Variants in GRM5 observed in about 807,000 individuals in gnomAD.
The protein encoded by GRM5 is glutamate metabotropic receptor 5, also known as metabotropic glutamate receptor 5.
Under a neutral mutation model 83.1 loss-of-function variants are expected in GRM5, and 19 were observed. The observed-to-expected ratio is 0.23, with a 90% CI of 0.16 to 0.34. The LOEUF (loss-of-function observed/expected upper bound fraction) is 0.34. Ranked by LOEUF, GRM5 falls within the 10% of genes least tolerant of loss-of-function variation. The pLI, the probability that GRM5 is intolerant of heterozygous loss-of-function variation, is 1.00. For missense variants in GRM5, 1,160 were observed against 1,588.3 expected, an observed-to-expected ratio of 0.73 and a Z score of 4.58; for synonymous variants, 675 against 633.6, an observed-to-expected ratio of 1.07 and a Z score of -0.98.
At chr11:88,644,374 T>C (rs1332596127) in intron 4 of GRM5, among the ~76,000 whole-genome samples, 2 of 152,212 alleles carry the variant, frequency 1.3e-5, no homozygotes, top group Admixed American at 1.3e-4. Context: ...ATTTATAAAA[T>C]GCTTGCCTTA....
At chr11:89,059,420 T>C (rs1941943134) in intron 1 of GRM5, among the ~76,000 whole-genome samples, 1 of 152,126 alleles carries the variant, frequency 6.6e-6, no homozygotes. Context: ...CACATTCCTT[T>C]GCAGAGGAAG....
chr11:88,739,163 C>T (rs1057084791), intron 3 of GRM5, among the ~76,000 whole-genome samples: 3 of 152,064 alleles, frequency 2.0e-5, no homozygotes, highest in East Asian at 1.9e-4. Context: ...CTGTAACCTT[C>T]GTAGAGCTAG....
intron 2 of GRM5, among the ~76,000 whole-genome samples, chr11:88,962,411 T>C (rs1312715602): frequency 6.6e-6 from 1 of 152,226 alleles, no homozygotes; most frequent in Non-Finnish European, 1.5e-5. Flanking sequence ...CATTCACTCA[T>C]ACACTAAATA....
intron 3 of GRM5, among the ~76,000 whole-genome samples, chr11:88,680,419 A>G (rs967263682): frequency 1.3e-5 from 2 of 152,072 alleles, no homozygotes; most frequent in Admixed American, 6.6e-5. Context: ...TGAACTCATC[A>G]TTTTTTATGG....
chr11:88,665,855 A>AG (rs907950295), intron 3 of GRM5, among the ~76,000 whole-genome samples: 3 of 21,198 alleles, frequency 1.4e-4, no homozygotes, highest in Non-Finnish European at 2.2e-4. Flanking sequence ...ATGATCCAGG[A>AG]GAAAAAAAAA....
chr11:88,509,833 A>C (rs932793272), intron 9 of GRM5, among the ~76,000 whole-genome samples: 1 of 152,228 alleles, frequency 6.6e-6, no homozygotes, highest in African/African-American at 2.4e-5. Context: ...AGCAGCACAC[A>C]GATGCAAGGG....
At chr11:88,556,656 C>A (rs528388116) in intron 8 of GRM5, among the ~76,000 whole-genome samples, 3 of 151,964 alleles carry the variant, frequency 2.0e-5, no homozygotes, top group African/African-American at 4.8e-5. Flanking sequence ...TCACAGTGGA[C>A]CTTTGAGCAC....
intron 2 of GRM5, among the ~76,000 whole-genome samples, chr11:88,940,688 C>T (rs1938061133): frequency 6.6e-6 from 1 of 151,064 alleles, no homozygotes; most frequent in African/African-American, 2.4e-5. Context: ...GAAAGTATAG[C>T]ATAAAAATAA....
rs544792067 is a variant in GRM5, at chr11:89,000,785, A to T, written c.661+46427T>A. The stretch of plus-strand genomic sequence containing the variant: ...AACAAAAAATAAGCTACAGACTGGG[A>T]GAAGATATTTGCAAACCACGTATTG... On this transcript the variant is annotated intron_variant, in intron 2 of 9. Coordinates refer to ENST00000305447, the MANE Select transcript of GRM5 (RefSeq NM_001143831.3). Among the ~76,000 whole-genome samples, 4 of 152,246 alleles carry T rather than the reference A, an allele frequency of 2.6e-5. No individual in the cohort carries two copies. In the South Asian group the frequency reaches 8.3e-4, roughly 32 times the overall value.
At chr11:88,878,411 C>T (rs547304826) in intron 2 of GRM5, among the ~76,000 whole-genome samples, 3 of 152,124 alleles carry the variant, frequency 2.0e-5, no homozygotes, top group Non-Finnish European at 4.4e-5. Context: ...GGGTCTCTCC[C>T]AGCAATGAAT....
chr11:88,882,909 A>G (rs1189481974), intron 2 of GRM5, among the ~76,000 whole-genome samples: 2 of 152,186 alleles, frequency 1.3e-5, no homozygotes, highest in Non-Finnish European at 2.9e-5. Context: ...AAGTCTCACA[A>G]GATCTGATGG....
At position 88,834,209 on chromosome 11, in the gene GRM5, T is replaced by TA. The variant is rs879302590; in HGVS notation, c.911+15696dup. On this transcript the variant is annotated intron_variant, in intron 3 of 9. Transcript: ENST00000305447. ...ACATGATCATTACTCATTCTGACTG[T>TA]AAAAAAAAATCATGTGTACCCCATA... Among the ~76,000 whole-genome samples the TA allele has an allele frequency of 2.0e-4, 30 of 151,470 alleles. No homozygotes were observed. In the East Asian group the frequency reaches 3.5e-3, roughly 18 times the overall value.
At chr11:88,875,722 G>A (rs112187268) in intron 2 of GRM5, among the ~76,000 whole-genome samples, 3 of 152,134 alleles carry the variant, frequency 2.0e-5, no homozygotes, top group African/African-American at 7.2e-5. Context: ...GTCTTAGCAG[G>A]CATGAAAACA....
At chr11:88,679,417 T>C (rs1025322248) in intron 3 of GRM5, among the ~76,000 whole-genome samples, 66 of 152,172 alleles carry the variant, frequency 4.3e-4, no homozygotes, top group African/African-American at 1.5e-3. Context: ...ACATTACATA[T>C]ACTACTTTAG....
At chr11:88,945,679 G>C (rs1374693808) in intron 2 of GRM5, among the ~76,000 whole-genome samples, 1 of 152,064 alleles carries the variant, frequency 6.6e-6, no homozygotes, top group Non-Finnish European at 1.5e-5. Context: ...CAGCTGGCTA[G>C]CCATATGCAA....
At chr11:88,641,580 C>T (rs1604813) in intron 4 of GRM5, among the ~76,000 whole-genome samples, 105,256 of 151,982 alleles carry the variant, frequency 0.69, 41,757 homozygotes, top group Non-Finnish European at 0.9. Context: ...GTTATTTACT[C>T]CCAAGATACA....
chr11:88,735,137 C>T (rs1393524892), intron 3 of GRM5, among the ~76,000 whole-genome samples: 2 of 151,870 alleles, frequency 1.3e-5, no homozygotes, highest in African/African-American at 2.4e-5. Context: ...TTATATAACT[C>T]GAAGAAATAC....
At chr11:88,964,368 A>AG (rs1276670010) in intron 2 of GRM5, among the ~76,000 whole-genome samples, 5 of 115,022 alleles carry the variant, frequency 4.3e-5, no homozygotes, top group East Asian at 5.6e-4. Context: ...CAGGGCACAG[A>AG]GGGTTTTTTT....
At chr11:88,945,963 G>A (rs1416739678) in intron 2 of GRM5, among the ~76,000 whole-genome samples, 1 of 151,962 alleles carries the variant, frequency 6.6e-6, no homozygotes, top group Non-Finnish European at 1.5e-5. Context: ...TGTCAGAATG[G>A]AAGAAAATAT....
Sources: allele counts gnomAD v4.1 joint callset (sites outside exome capture counted in the v4.1 genomes callset), GRCh38; gene constraint gnomAD v4.1.1; transcripts MANE v1.5; gene names NCBI Gene and HGNC (gene_info 2026-07-23, HGNC 2026-07-21).